EML4: variants seen among roughly 807,000 people sequenced by gnomAD.
EML4 encodes echinoderm microtubule-associated protein-like 4.
In EML4, 72 loss-of-function variants were observed where a neutral mutation model predicts 129.0. That is an observed-to-expected ratio of 0.56 (90% confidence interval 0.46 to 0.68). The LOEUF is 0.68. Among genes scored for constraint, EML4 ranks in the 30% least tolerant of loss-of-function variants. The probability of loss-of-function intolerance (pLI) is 0.00; values close to 1 mark genes in which losing one functional copy is unlikely to be tolerated. For synonymous variants in EML4, 532 were observed against 405.0 expected (o/e 1.31, Z -3.77); for missense variants, 1,363 against 1,190.6 (o/e 1.14, Z -2.13).
At position 42,303,108 on chromosome 2, in the gene EML4, C is replaced by A. The variant is rs753735115; in HGVS notation, c.1646C>A (p.Pro549His). ...DLNPEREIEV[P>H]DQYGTIRAVA... ...ACTTTACACTTTTTTTTCTAGGTTC[C>A]TGATCAGTATGGCACAATCAGAGCT... The change falls in exon 15 of 23, where the codon CCT becomes CAT. Residue 549 changes from proline (P) to histidine (H), a missense_variant. By Grantham distance (77) the Pro-to-His change is moderately conservative. Coordinates refer to ENST00000318522, the MANE Select transcript of EML4 (RefSeq NM_019063.5). The A allele has an allele frequency of 1.9e-6, 3 of 1,613,090 alleles. No homozygotes were observed. Among genetic ancestry groups the A allele is most frequent in the Non-Finnish European group, 1.7e-6 (2 of 1,179,734 alleles).
rs140592520 is a variant in EML4 at position 42,281,933 on chromosome 2, G to A, written c.792-890G>A. On this transcript the variant is annotated intron_variant, in intron 7 of 22. Transcript: ENST00000318522. ...CCCTTCTTAGGCAGATATCAGCTTG[G>A]ACACACTCACCAATCCTTTCATTCT... 2.9e-3 allele frequency among the ~76,000 whole-genome samples: 441 copies of A among 152,182 alleles called. 4 individuals are homozygous for A. The highest frequency in any genetic ancestry group is 9.4e-3 in the African/African-American group (390 of 41,520).
chr2:42,255,605 G>A (rs1233615215), intron 2 of EML4, among the ~76,000 whole-genome samples: 1 of 152,104 alleles, frequency 6.6e-6, no homozygotes, highest in Non-Finnish European at 1.5e-5. Flanking sequence ...GATGACCAGT[G>A]ATATTTGCAT....
intron 17 of EML4, among the ~76,000 whole-genome samples, chr2:42,310,448 TG>T (rs1668874119): frequency 6.6e-6 from 1 of 152,084 alleles, no homozygotes; most frequent in Non-Finnish European, 1.5e-5. Flanking sequence ...TGGGTTCAAG[TG>T]ATTCTCATGC....
At chr2:42,209,621 A>C (rs1672764016) in intron 1 of EML4, among the ~76,000 whole-genome samples, 1 of 152,184 alleles carries the variant, frequency 6.6e-6, no homozygotes, top group South Asian at 2.1e-4. Context: ...TTTTATTTAA[A>C]ATGACTTTTA....
At chr2:42,287,340 A>G (rs774867821) in intron 10 of EML4, among the ~76,000 whole-genome samples, 8 of 152,148 alleles carry the variant, frequency 5.3e-5, no homozygotes, top group Admixed American at 1.3e-4. Context: ...TTGCTACTTT[A>G]TTTTCTCCCA....
At chr2:42,263,330 A>G in intron 5 of EML4, 24 bp downstream of exon 5, 3 of 1,569,010 alleles carry the variant, frequency 1.9e-6, no homozygotes, top group Non-Finnish European at 1.7e-6. Context: ...TTTCTTCATT[A>G]TATCTGAAAA....
intron 1 of EML4, among the ~76,000 whole-genome samples, chr2:42,232,680 C>G (rs906912043): frequency 6.6e-6 from 1 of 152,188 alleles, no homozygotes; most frequent in African/African-American, 2.4e-5. Context: ...TAGAAACACT[C>G]TTTTGATGGC....
At chr2:42,187,700 T>G (rs932129548) in intron 1 of EML4, among the ~76,000 whole-genome samples, 1 of 152,100 alleles carries the variant, frequency 6.6e-6, no homozygotes, top group Non-Finnish European at 1.5e-5. Context: ...TGCCTTAAGT[T>G]TTGAGAGTAT....
chr2:42,212,370 A>G (rs1672933382), intron 1 of EML4, among the ~76,000 whole-genome samples: 1 of 152,202 alleles, frequency 6.6e-6, no homozygotes, highest in African/African-American at 2.4e-5. Flanking sequence ...AATGAATTAA[A>G]TATTATACTT....
intron 19 of EML4, among the ~76,000 whole-genome samples, chr2:42,321,368 G>A (rs888641261): frequency 5.9e-5 from 9 of 151,988 alleles, no homozygotes; most frequent in African/African-American, 1.7e-4. Context: ...GGGCGACAGC[G>A]AGACTCACAT....
chr2:42,175,995 C>A (rs1484476705), intron 1 of EML4, among the ~76,000 whole-genome samples: 4 of 151,360 alleles, frequency 2.6e-5, no homozygotes, highest in African/African-American at 9.7e-5. Flanking sequence ...TGGATCCTAA[C>A]CTTTTTTTTT....
At chr2:42,197,141 C>T (rs141933114) in intron 1 of EML4, among the ~76,000 whole-genome samples, 55 of 152,264 alleles carry the variant, frequency 3.6e-4, no homozygotes, top group African/African-American at 1.3e-3. Flanking sequence ...GCGATCACTG[C>T]AGCCTTGACC....
chr2:42,208,461 CAG>C (rs1202359128), intron 1 of EML4, among the ~76,000 whole-genome samples: 1 of 146,226 alleles, frequency 6.8e-6, no homozygotes, highest in Non-Finnish European at 1.5e-5. Context: ...TTTTTTGAGA[CAG>C]AATCTCTGTC....
intron 1 of EML4, among the ~76,000 whole-genome samples, chr2:42,208,474 G>A (rs868588357): frequency 2.1e-5 from 3 of 141,346 alleles, no homozygotes; most frequent in Admixed American, 7.3e-5. Flanking sequence ...AATCTCTGTC[G>A]CCCAGGCTGG....
intron 5 of EML4, among the ~76,000 whole-genome samples, chr2:42,264,390 T>G (rs150936650): frequency 1.3e-5 from 2 of 152,320 alleles, no homozygotes; most frequent in Non-Finnish European, 2.9e-5. Flanking sequence ...AGTGCTAGGA[T>G]TACAGGTGTG....
intron 1 of EML4, among the ~76,000 whole-genome samples, chr2:42,205,683 CAG>C (rs747544653): frequency 1.3e-5 from 2 of 152,128 alleles, no homozygotes; most frequent in Non-Finnish European, 2.9e-5. Flanking sequence ...AGAATTTAGA[CAG>C]AAATGGATAA....
At position 42,329,640 on chromosome 2, in the gene EML4, TGAG is replaced by T. The variant is rs376976757; in HGVS notation, c.2473-93_2473-91del. 3.3e-5 allele frequency: 33 copies of T among 996,876 alleles called. No homozygotes were observed. In the African/African-American group the frequency reaches 4.5e-4, roughly 14 times the overall value. 61.8% of individuals were successfully genotyped at this position (996,876 alleles called of 1,614,324 possible). A position where few individuals can be genotyped will look rare whatever the true frequency, so the allele number is the denominator to read the frequency against. On this transcript the variant is annotated intron_variant, in intron 22 of 22. Transcript: ENST00000318522. ...AAATTGGATTGCCCATTTCACAAGC[TGAG>T]TTTACCCCCCTTACGTATCACCTCC...
rs189816669 is a variant in EML4, at chr2:42,245,952, A to G, written c.208+265A>G. Among the ~76,000 whole-genome samples the G allele has an allele frequency of 9.2e-5, 14 of 152,226 alleles. No individual in the cohort carries two copies. In the East Asian group the frequency reaches 1.7e-3, roughly 19 times the overall value. ...GAAGTTAGTATCTTCCAACTAGATG[A>G]TAAGTTTACTCAGGGCAGGAACTGA... On this transcript the variant is annotated intron_variant, in intron 2 of 22. Coordinates refer to ENST00000318522, the MANE Select transcript of EML4 (RefSeq NM_019063.5).
intron 1 of EML4, among the ~76,000 whole-genome samples, chr2:42,171,278 ATGT>A (rs1412288223): frequency 6.6e-6 from 1 of 152,050 alleles, no homozygotes; most frequent in East Asian, 1.9e-4. Context: ...TTCTTAGGGG[ATGT>A]TGTGGAGAGC....
Sources: allele counts gnomAD v4.1 joint callset (sites outside exome capture counted in the v4.1 genomes callset), GRCh38; gene constraint gnomAD v4.1.1; transcripts MANE v1.5; gene names NCBI Gene and HGNC (gene_info 2026-07-23, HGNC 2026-07-21).